TPMT: variants seen among roughly 807,000 people sequenced by gnomAD.
TPMT encodes the protein thiopurine S-methyltransferase, also known as S-adenosyl-L-methionine:thiopurine S-methyltransferase.
Under a neutral mutation model 34.2 loss-of-function variants are expected in TPMT, and 18 were observed. The observed-to-expected ratio is 0.53, with a 90% CI of 0.36 to 0.78. The LOEUF (loss-of-function observed/expected upper bound fraction) is 0.78. Ranked by LOEUF, TPMT falls within the 30% of genes least tolerant of loss-of-function variation. The pLI, the probability that TPMT is intolerant of heterozygous loss-of-function variation, is 0.00. For synonymous variants in TPMT, 69 were observed against 92.4 expected (o/e 0.75, Z 1.45); for missense variants, 265 against 288.1 (o/e 0.92, Z 0.58).
In TPMT at chr6:18,143,539, C is replaced by T; in HGVS notation, c.366+57G>A. 1 of 1,608,268 alleles carries T rather than the reference C, an allele frequency of 6.2e-7. No individual in the cohort carries two copies. Among genetic ancestry groups the T allele is most frequent in the Non-Finnish European group, 8.5e-7 (1 of 1,177,502 alleles). ...GAATGGTATCCTCATAATACTCACA[C>T]TGAGAAAAACTTTTGTGGGGATATG... On this transcript the variant is annotated intron_variant, in intron 4 of 8. Coordinates refer to ENST00000309983, the MANE Select transcript of TPMT (RefSeq NM_000367.5). The surrounding 1 kb of genome is among the most constrained non-coding windows in gnomAD (Gnocchi z 6.1).
At chr6:18,142,674 C>G (rs1165448140) in intron 4 of TPMT, among the ~76,000 whole-genome samples, 1 of 151,966 alleles carries the variant, frequency 6.6e-6, no homozygotes, top group Non-Finnish European at 1.5e-5. Context: ...CATTTTGAGC[C>G]CAAACCTCAC....
At position 18,148,685 on chromosome 6, in the gene TPMT, C is replaced by T. The variant is rs1308169826; in HGVS notation, c.140+303G>A. 1.3e-5 allele frequency among the ~76,000 whole-genome samples: 2 copies of T among 152,292 alleles called. No individual in the cohort carries two copies. The highest frequency in any genetic ancestry group is 3.9e-4 in the East Asian group (2 of 5,190). On this transcript the variant is annotated intron_variant, in intron 2 of 8. Transcript: ENST00000309983. This position sits in a 1 kb window ranked among gnomAD's most constrained non-coding sequence, Gnocchi z 4.1. Reference sequence around the variant, plus strand: ...GTAAGCATAAACATTGCTTGAGCACCTGTTGTAGGTATAAATATTCAGGGC... The same window carrying T: ...GTAAGCATAAACATTGCTTGAGCACTTGTTGTAGGTATAAATATTCAGGGC...
Position 18,138,965 on chromosome 6 carries a change from T to C in TPMT, c.492A>G (p.Lys164=). Reference sequence around the variant, plus strand: ...ACAAAAAAAGAAAAATTACTTACCATTTGCGATCACCTGGATTGATGGCAA... The same window carrying C: ...ACAAAAAAAGAAAAATTACTTACCACTTGCGATCACCTGGATTGATGGCAA... ...ALVAINPGDR[K]CYADTMFSLL... is the part of the protein sequence containing the mutation. The change falls in exon 6 of 9, where the codon AAA becomes AAG. Residue 164 remains lysine, a splice_region_variant and synonymous_variant. Coordinates refer to ENST00000309983, the MANE Select transcript of TPMT (RefSeq NM_000367.5). The surrounding 1 kb of genome is among the most constrained non-coding windows in gnomAD (Gnocchi z 4.1). 1 of 1,613,060 alleles carries C rather than the reference T, an allele frequency of 6.2e-7. No individual in the cohort carries two copies. The highest frequency in any genetic ancestry group is 1.7e-5 in the Admixed American group (1 of 59,930).
At position 18,132,147 on chromosome 6, in the gene TPMT, A is replaced by G. The variant is rs79901429; in HGVS notation, c.611T>C (p.Ile204Thr). ...CACAAACTTACCAAACAACCTTTCA[A>G]TTTCAGCATGTGGAACATAAAATGG... ...GPPFYVPHAE[I>T]ERLFGKICNI... is the part of the protein sequence containing the mutation. Residue 204 changes from isoleucine (I) to threonine (T), a missense_variant, in exon 8 of 9, where the codon ATT becomes ACT. Coordinates refer to ENST00000309983, the MANE Select transcript of TPMT (RefSeq NM_000367.5). The surrounding 1 kb of genome is among the most constrained non-coding windows in gnomAD (Gnocchi z 4.8). 5 of 1,614,180 alleles carry G rather than the reference A, an allele frequency of 3.1e-6. No homozygotes were observed. Among genetic ancestry groups the G allele is most frequent in the Non-Finnish European group, 4.2e-6 (5 of 1,180,012 alleles).
rs1784253742 is a variant in TPMT, at chr6:18,146,699, C to G, written c.233+1124G>C. 6.6e-6 allele frequency among the ~76,000 whole-genome samples: 1 copy of G among 152,028 alleles called. No individual in the cohort carries two copies. Among genetic ancestry groups the G allele is most frequent in the African/African-American group, 2.4e-5 (1 of 41,366 alleles). The stretch of plus-strand genomic sequence containing the variant: ...TTGAAAGTAACTATCTCTTCTGGCT[C>G]AATGAATTGGTTAAAATATATGTCA... On this transcript the variant is annotated intron_variant, in intron 3 of 8. Transcript: ENST00000309983. The surrounding 1 kb of genome is among the most constrained non-coding windows in gnomAD (Gnocchi z 6.2).
At chr6:18,151,486 AG>A (rs1268813271) in intron 1 of TPMT, among the ~76,000 whole-genome samples, 1 of 152,158 alleles carries the variant, frequency 6.6e-6, no homozygotes, top group Non-Finnish European at 1.5e-5. Flanking sequence ...AACAAAAAAA[AG>A]AATAGGTATA....
rs570447591 is a variant in TPMT, at chr6:18,150,773, G to A, written c.-44-1602C>T. On this transcript the variant is annotated intron_variant, in intron 1 of 8. Coordinates refer to ENST00000309983, the MANE Select transcript of TPMT (RefSeq NM_000367.5). The surrounding 1 kb of genome is among the most constrained non-coding windows in gnomAD (Gnocchi z 5.3). ...GGGTATCAAATTCTTGGTTAGAAGT[G>A]TGGGGGCCATAGGGGGTTGGGCACC... Among the ~76,000 whole-genome samples, 3 of 152,280 alleles carry A rather than the reference G, an allele frequency of 2.0e-5. No individual in the cohort carries two copies. The highest frequency in any genetic ancestry group is 4.1e-4 in the South Asian group (2 of 4,826).
rs70974705 is a variant in TPMT at position 18,151,573 on chromosome 6, GATTTATTTATTT to G, written c.-44-2414_-44-2403del. On this transcript the variant is annotated intron_variant, in intron 1 of 8. Coordinates refer to ENST00000309983, the MANE Select transcript of TPMT (RefSeq NM_000367.5). ...TGAGTGGATTTCATTTGGAAACCTA[GATTTATTTATTT>G]ATTTATTTATTTATTTATTTATTTA... 2.5e-3 allele frequency among the ~76,000 whole-genome samples: 360 copies of G among 143,372 alleles called. 2 individuals are homozygous for G. Among genetic ancestry groups the G allele is most frequent in the Middle Eastern group, 0.011 (3 of 284 alleles). The allele number at this position is 143,372 out of a possible 152,430, so 94.1% of individuals were successfully genotyped here.
Position 18,132,240 on chromosome 6 carries a change from TACA to T in TPMT, c.581-66_581-64del. The T allele has an allele frequency of 6.8e-7, 1 of 1,479,006 alleles. No individual in the cohort carries two copies. The highest frequency in any genetic ancestry group is 9.4e-7 in the Non-Finnish European group (1 of 1,060,306). 91.6% of individuals were successfully genotyped at this position (1,479,006 alleles called of 1,614,324 possible). The stretch of plus-strand genomic sequence containing the variant: ...ATGACGTAGGTGTACTTGTTCTACA[TACA>T]ACTTCATTATCCAAATAGGTGATGA... On this transcript the variant is annotated intron_variant, in intron 7 of 8. Coordinates refer to ENST00000309983, the MANE Select transcript of TPMT (RefSeq NM_000367.5). This position sits in a 1 kb window ranked among gnomAD's most constrained non-coding sequence, Gnocchi z 4.8.
chr6:18,151,622 G>T (rs1231733184), intron 1 of TPMT, among the ~76,000 whole-genome samples: 2 of 140,858 alleles, frequency 1.4e-5, no homozygotes, highest in African/African-American at 5.1e-5. Context: ...TTATTTATTT[G>T]AGGCAGGGTC....
rs145011010 is a variant in TPMT at position 18,135,536 on chromosome 6, T to C, written c.495-1647A>G. Among the ~76,000 whole-genome samples, 5 of 152,214 alleles carry C rather than the reference T, an allele frequency of 3.3e-5. No individual in the cohort carries two copies. In the East Asian group the frequency reaches 9.7e-4, roughly 29 times the overall value. ...ATGGTAAGTACTGAGTACCAGCATG[T>C]AGATAAAGAACTAAGATACTAAGTA... On this transcript the variant is annotated intron_variant, in intron 6 of 8. Transcript: ENST00000309983. The surrounding 1 kb of genome is among the most constrained non-coding windows in gnomAD (Gnocchi z 5.0).
Position 18,129,654 on chromosome 6 carries a change from A to G in TPMT, c.*1014T>C, listed in dbSNP as rs1272895457. On this transcript the variant is annotated 3_prime_UTR_variant, in exon 9 of 9. Coordinates refer to ENST00000309983, the MANE Select transcript of TPMT (RefSeq NM_000367.5). Reference sequence around the variant, plus strand: ...TCCAGCTCTAAGTACATTATATTTTATAAGACCTGATGATTTAAACAGATT... The same window carrying G: ...TCCAGCTCTAAGTACATTATATTTTGTAAGACCTGATGATTTAAACAGATT... The G allele has an allele frequency of 1.3e-5, 2 of 152,232 alleles. No individual in the cohort carries two copies. The highest frequency in any genetic ancestry group is 1.9e-4 in the East Asian group (1 of 5,200). The allele number at this position is 152,232 out of a possible 1,614,324, so 9.4% of individuals were successfully genotyped here. A position where few individuals can be genotyped will look rare whatever the true frequency, so the allele number is the denominator to read the frequency against.
Position 18,137,682 on chromosome 6 carries a change from G to T in TPMT, c.494+1281C>A, listed in dbSNP as rs530911238. ...AATAATAACAGCTCTCATTTATACA[G>T]TTCTTTAGAGATGACAAGGTATTTC... On this transcript the variant is annotated intron_variant, in intron 6 of 8. Transcript: ENST00000309983. Among the ~76,000 whole-genome samples, 13 of 67,832 alleles carry T rather than the reference G, an allele frequency of 1.9e-4. No homozygotes were observed. The East Asian group carries it at 2.4e-3, about 13-fold the overall frequency. The allele number at this position is 67,832 out of a possible 152,430, so 44.5% of individuals were successfully genotyped here.
Position 18,136,573 on chromosome 6 carries a change from C to T in TPMT, c.494+2390G>A, listed in dbSNP as rs529193748. Among the ~76,000 whole-genome samples the T allele has an allele frequency of 4.6e-5, 7 of 152,190 alleles. No individual in the cohort carries two copies. The South Asian group carries it at 6.2e-4, about 14-fold the overall frequency. ...ACCTCTAATCCCAGCACCGGGTGGCCGAGGCGGGTGGATCAGCTGGGGTCC... is the reference window on the plus strand; with the variant it reads ...ACCTCTAATCCCAGCACCGGGTGGCTGAGGCGGGTGGATCAGCTGGGGTCC... On this transcript the variant is annotated intron_variant, in intron 6 of 8. Coordinates refer to ENST00000309983, the MANE Select transcript of TPMT (RefSeq NM_000367.5). This position sits in a 1 kb window ranked among gnomAD's most constrained non-coding sequence, Gnocchi z 4.7.
At chr6:18,133,600 A>G (rs558793546) in intron 7 of TPMT, among the ~76,000 whole-genome samples, 1 of 152,362 alleles carries the variant, frequency 6.6e-6, no homozygotes, top group South Asian at 2.1e-4. Flanking sequence ...ATGGGAAAGG[A>G]ATACAAGAAA....
At chr6:18,133,710 A>G in intron 7 of TPMT, 94 bp downstream of exon 7, 1 of 954,186 alleles carries the variant, frequency 1.0e-6, no homozygotes, top group Non-Finnish European at 1.6e-6. Context: ...CTATGAGATA[A>G]ATTAGGAGAA....
In TPMT at chr6:18,138,906, A is replaced by G; in HGVS notation, c.494+57T>C. Reference sequence around the variant, plus strand: ...TAAGCTGATTTTCTAGAACCCAGAAAAAGTATAGTATACTAAAAAATTAAG... The same window carrying G: ...TAAGCTGATTTTCTAGAACCCAGAAGAAGTATAGTATACTAAAAAATTAAG... On this transcript the variant is annotated intron_variant, in intron 6 of 8. Coordinates refer to ENST00000309983, the MANE Select transcript of TPMT (RefSeq NM_000367.5). This position sits in a 1 kb window ranked among gnomAD's most constrained non-coding sequence, Gnocchi z 4.1. The G allele has an allele frequency of 2.1e-6, 3 of 1,421,584 alleles. No homozygotes were observed. Among genetic ancestry groups the G allele is most frequent in the Non-Finnish European group, 2.0e-6 (2 of 1,015,994 alleles). The allele number at this position is 1,421,584 out of a possible 1,614,324, so 88.1% of individuals were successfully genotyped here. A position where few individuals can be genotyped will look rare whatever the true frequency, so the allele number is the denominator to read the frequency against.
intron 4 of TPMT, among the ~76,000 whole-genome samples, chr6:18,142,603 G>A (rs763518037): frequency 2.2e-4 from 33 of 151,888 alleles, no homozygotes; most frequent in Non-Finnish European, 3.5e-4. Flanking sequence ...CACTTGGGTA[G>A]TGTTTGTTTA....
chr6:18,153,737 T>C lies in TPMT; in HGVS notation c.-45+1296A>G, dbSNP rs1029419883. Among the ~76,000 whole-genome samples the C allele has an allele frequency of 1.3e-5, 2 of 152,212 alleles. No individual in the cohort carries two copies. Among genetic ancestry groups the C allele is most frequent in the South Asian group, 2.1e-4 (1 of 4,830 alleles). ...TTGGGTACAGAAAAGCAAAAGAATG[T>C]TGCAGTTTTCTCATTTTCATTCAGA... On this transcript the variant is annotated intron_variant, in intron 1 of 8. Transcript: ENST00000309983. The surrounding 1 kb of genome is among the most constrained non-coding windows in gnomAD (Gnocchi z 4.2).
Sources: gnomAD v4.1 joint callset for allele counts (sites outside exome capture counted in the v4.1 genomes callset) on GRCh38, gnomAD v4.1.1 for gene constraint, Gnocchi (gnomAD v3.1) non-coding constraint, MANE v1.5 for transcripts, NCBI Gene and HGNC (gene_info 2026-07-23, HGNC 2026-07-21) for gene names.